NOC3L: variants seen among roughly 807,000 people sequenced by gnomAD.
NOC3L encodes nucleolar complex protein 3 homolog.
A neutral mutation model predicts 102.5 loss-of-function variants in NOC3L; 85 were observed. The ratio of observed to expected loss-of-function variants is 0.83; its 90% CI spans 0.70 to 0.99. The LOEUF (loss-of-function observed/expected upper bound fraction) is 0.99. Ranked by LOEUF, NOC3L falls within the 50% of genes least tolerant of loss-of-function variation. NOC3L has a pLI of 0.00. For missense variants in NOC3L, 878 were observed against 914.9 expected, an observed-to-expected ratio of 0.96 and a Z score of 0.52; for synonymous variants, 303 against 309.4, an observed-to-expected ratio of 0.98 and a Z score of 0.22.
chr10:94,340,499 T>G lies in NOC3L; in HGVS notation c.1645-3A>C. The stretch of plus-strand genomic sequence containing the variant: ...AGACTTTCTTGATAGCTTAGGTCCT[T>G]TAAAAAAAAAAGGGGGGGGTGAGGG... On this transcript the variant is annotated splice_polypyrimidine_tract_variant and splice_region_variant and intron_variant, in intron 14 of 20. Coordinates refer to ENST00000371361, the MANE Select transcript of NOC3L (RefSeq NM_022451.11). 1 of 872,668 alleles carries G rather than the reference T, an allele frequency of 1.1e-6. No individual in the cohort carries two copies. The highest frequency in any genetic ancestry group is 1.7e-6 in the Non-Finnish European group (1 of 581,792). The allele number at this position is 872,668 out of a possible 1,614,324, so 54.1% of individuals were successfully genotyped here.
chr10:94,341,815 C>A, intron 13 of NOC3L, 70 bp from the exon 14 acceptor site: 1 of 843,732 alleles, frequency 1.2e-6, no homozygotes, highest in South Asian at 1.8e-5. Flanking sequence ...TTAAGCTTGA[C>A]TTTAAAACTG....
the NOC3L span, chr10:94,328,183 C>G: frequency 3.4e-6 from 1 of 297,154 alleles, no homozygotes. Flanking sequence ...TAAATGTCAG[C>G]AGTTGGAAAA....
At chr10:94,324,480 C>G in the NOC3L span, 1 of 1,614,110 alleles carries the variant, frequency 6.2e-7, no homozygotes, top group Non-Finnish European at 8.5e-7. Context: ...CTCAGCGGGT[C>G]CTTCTGGATC....
chr10:94,316,157 G>A, the NOC3L span, among the ~76,000 whole-genome samples: 1 of 152,122 alleles, frequency 6.6e-6, no homozygotes, highest in Non-Finnish European at 1.5e-5. Context: ...GAAGATGACC[G>A]AGTATTTCCA....
At chr10:94,345,349 A>C (rs2054331116) in intron 11 of NOC3L, among the ~76,000 whole-genome samples, 2 of 152,310 alleles carry the variant, frequency 1.3e-5, no homozygotes, top group Middle Eastern at 3.4e-3. Context: ...CTAGGATTAA[A>C]TCATCTATAA....
Position 94,361,810 on chromosome 10 carries a change from A to C in NOC3L, c.72T>G (p.Leu24=). 6.2e-7 allele frequency: 1 copy of C among 1,613,878 alleles called. No homozygotes were observed. The highest frequency in any genetic ancestry group is 2.2e-5 in the East Asian group (1 of 44,866). The change falls in exon 2 of 21, where the codon CTT becomes CTG. Residue 24 remains leucine (L), a synonymous_variant. Transcript: ENST00000371361. ...RKLIKTSKVK[L]ENKLKNKQFK... ...ACTGCTTATTTTTTAGCTTGTTTTC[A>C]AGTTTGACTTTACTAGTTTTTATTA...
At chr10:94,328,207 G>A in the NOC3L span, 3 of 311,548 alleles carry the variant, frequency 9.6e-6, no homozygotes, top group African/African-American at 6.5e-5. Flanking sequence ...GTCACGAATT[G>A]ACTTAGAGCA....
At chr10:94,349,418 C>T (rs781306365) in intron 9 of NOC3L, 40 bp from the exon 10 acceptor site, 4 of 1,543,252 alleles carry the variant, frequency 2.6e-6, no homozygotes, top group African/African-American at 1.4e-5. Flanking sequence ...TGTTTCTCAA[C>T]CTTAGCACTA....
At chr10:94,323,540 G>A in the NOC3L span, among the ~76,000 whole-genome samples, 2 of 152,186 alleles carry the variant, frequency 1.3e-5, no homozygotes, top group Non-Finnish European at 2.9e-5. Flanking sequence ...ACACTACATG[G>A]TAAGTCACCA....
At chr10:94,357,453 C>A in intron 3 of NOC3L, 122 bp from the exon 4 acceptor site, 1 of 684,334 alleles carries the variant, frequency 1.5e-6, no homozygotes, top group Admixed American at 4.0e-5. Context: ...TGGATAGTAG[C>A]ACTTAGGCTA....
At chr10:94,331,171 A>G (rs766010887), downstream of NOC3L, 1 of 152,232 alleles carries the variant, frequency 6.6e-6, no homozygotes, top group Non-Finnish European at 1.5e-5. Flanking sequence ...AGACTCAACA[A>G]AAGTTGAGTT....
chr10:94,323,815 C>T, the NOC3L span, among the ~76,000 whole-genome samples: 5 of 152,192 alleles, frequency 3.3e-5, no homozygotes, highest in Non-Finnish European at 7.3e-5. Context: ...ATAATTGGCC[C>T]TCACTAAACA....
chr10:94,334,583 G>T, intron 20 of NOC3L, 51 bp downstream of exon 20: 1 of 1,311,858 alleles, frequency 7.6e-7, no homozygotes. Flanking sequence ...GAGTTATTGA[G>T]ATACATTGGT....
At chr10:94,346,896 G>A (rs928680395) in intron 10 of NOC3L, among the ~76,000 whole-genome samples, 1 of 152,190 alleles carries the variant, frequency 6.6e-6, no homozygotes, top group Non-Finnish European at 1.5e-5. Flanking sequence ...CAGTATGGGA[G>A]AAGATACACA....
chr10:94,352,821 C>CA (rs878868350), intron 7 of NOC3L, 75 bp downstream of exon 7: 59,999 of 941,010 alleles, frequency 0.064, no homozygotes, highest in East Asian at 0.077. Context: ...AACTCTGCCT[C>CA]AAAAAAAAAA....
chr10:94,346,321 TTA>T, intron 11 of NOC3L, 102 bp downstream of exon 11: 1 of 872,856 alleles, frequency 1.1e-6, no homozygotes, highest in Non-Finnish European at 1.6e-6. Context: ...TTCAAAACTT[TTA>T]TGTTTATGAT....
intron 2 of NOC3L, 112 bp from the exon 3 acceptor site, chr10:94,358,327 C>G: frequency 1.5e-6 from 1 of 689,056 alleles, no homozygotes; most frequent in Non-Finnish European, 2.6e-6. Flanking sequence ...TGAAGCAATC[C>G]TCCCACTCCA....
At chr10:94,326,594 A>G in the NOC3L span, among the ~76,000 whole-genome samples, 1 of 152,232 alleles carries the variant, frequency 6.6e-6, no homozygotes. Flanking sequence ...GTGCTACAAG[A>G]TTACTTCTTA....
intron 5 of NOC3L, among the ~76,000 whole-genome samples, chr10:94,356,230 T>G (rs1343514184): frequency 6.6e-6 from 1 of 152,132 alleles, no homozygotes; most frequent in East Asian, 1.9e-4. Flanking sequence ...TAACAGTTAT[T>G]TGTAAGTAGT....
Sources: allele counts gnomAD v4.1 joint callset (sites outside exome capture counted in the v4.1 genomes callset), GRCh38; gene constraint gnomAD v4.1.1; transcripts MANE v1.5; gene names NCBI Gene and HGNC (gene_info 2026-07-23, HGNC 2026-07-21).